Variants in NAALADL2 observed in about 807,000 individuals in gnomAD.
NAALADL2 encodes inactive N-acetylated-alpha-linked acidic dipeptidase-like protein 2.
Under a neutral mutation model 87.2 loss-of-function variants are expected in NAALADL2, and 76 were observed. The ratio of observed to expected loss-of-function variants is 0.87; its 90% confidence interval spans 0.72 to 1.05. NAALADL2 has a LOEUF of 1.05. Ranked by LOEUF, NAALADL2 falls within the 50% of genes least tolerant of loss-of-function variation. The pLI, the probability that NAALADL2 is intolerant of heterozygous loss-of-function variation, is 0.00. For missense variants in NAALADL2, 1,089 were observed against 945.8 expected (o/e 1.15, Z -1.99); for synonymous variants, 354 against 331.0 (o/e 1.07, Z -0.75).
At chr3:175,436,246 A>T (rs1483146618) in intron 5 of NAALADL2, among the ~76,000 whole-genome samples, 1 of 143,116 alleles carries the variant, frequency 7.0e-6, no homozygotes, top group Non-Finnish European at 1.5e-5. Context: ...AATCCAGTCT[A>T]TCATTGTTGG....
chr3:175,651,371 C>T (rs1730741440), intron 11 of NAALADL2, among the ~76,000 whole-genome samples: 1 of 152,024 alleles, frequency 6.6e-6, no homozygotes, highest in African/African-American at 2.4e-5. Context: ...ATGTTATGGG[C>T]TTGAATGAAC....
intron 1 of NAALADL2, among the ~76,000 whole-genome samples, chr3:174,487,619 T>C (rs949246018): frequency 6.6e-6 from 1 of 151,722 alleles, no homozygotes; most frequent in African/African-American, 2.4e-5. Context: ...TTTCAGCAGG[T>C]AGATGAGGGA....
intron 2 of NAALADL2, among the ~76,000 whole-genome samples, chr3:174,709,461 G>C (rs1218495427): frequency 1.3e-5 from 2 of 152,008 alleles, no homozygotes; most frequent in African/African-American, 4.8e-5. Flanking sequence ...AATTAAAGAA[G>C]GCCTAACACT....
intron 2 of NAALADL2, among the ~76,000 whole-genome samples, chr3:174,666,440 T>A (rs1333429618): frequency 1.1e-5 from 1 of 89,188 alleles, no homozygotes; most frequent in Non-Finnish European, 2.8e-5. Flanking sequence ...AGCATAAAAT[T>A]TATTATAATT....
chr3:175,502,263 G>A (rs971782539), intron 9 of NAALADL2, among the ~76,000 whole-genome samples: 1 of 150,846 alleles, frequency 6.6e-6, no homozygotes, highest in Non-Finnish European at 1.5e-5. Context: ...GTGTCTGTGT[G>A]TGTGCATGTG....
intron 2 of NAALADL2, among the ~76,000 whole-genome samples, chr3:175,158,300 G>A (rs1023865218): frequency 6.6e-6 from 1 of 151,960 alleles, no homozygotes; most frequent in African/African-American, 2.4e-5. Context: ...TTCAAAATAA[G>A]ACAATTTTCA....
chr3:175,446,272 ACT>A (rs1371355692), intron 5 of NAALADL2, among the ~76,000 whole-genome samples: 2 of 151,026 alleles, frequency 1.3e-5, no homozygotes, highest in Non-Finnish European at 3.0e-5. Flanking sequence ...ACTGTGTCTC[ACT>A]CTGTCACCCA....
intron 11 of NAALADL2, among the ~76,000 whole-genome samples, chr3:175,660,370 C>G (rs993075065): frequency 6.6e-6 from 1 of 152,036 alleles, no homozygotes; most frequent in Admixed American, 6.6e-5. Flanking sequence ...ATGTCAGACC[C>G]TTTTTTCGTT....
intron 5 of NAALADL2, among the ~76,000 whole-genome samples, chr3:175,418,350 A>T (rs1281131650): frequency 6.6e-6 from 1 of 152,124 alleles, no homozygotes; most frequent in Non-Finnish European, 1.5e-5. Flanking sequence ...TTAAAAATAA[A>T]GAAGTTTTCC....
intron 4 of NAALADL2, among the ~76,000 whole-genome samples, chr3:175,278,872 A>G (rs753957413): frequency 6.6e-6 from 1 of 152,184 alleles, no homozygotes; most frequent in Non-Finnish European, 1.5e-5. Flanking sequence ...GATTCCATCT[A>G]TGTATCCAGG....
chr3:174,498,112 T>C (rs867088189), intron 1 of NAALADL2, among the ~76,000 whole-genome samples: 3 of 152,166 alleles, frequency 2.0e-5, no homozygotes, highest in African/African-American at 7.2e-5. Context: ...TGTTTATATG[T>C]GTGATATTAT....
At chr3:175,484,564 T>G (rs1030213350) in intron 9 of NAALADL2, among the ~76,000 whole-genome samples, 1 of 152,142 alleles carries the variant, frequency 6.6e-6, no homozygotes, top group African/African-American at 2.4e-5. Context: ...AATGTCAAAA[T>G]CATTCTTAAA....
At chr3:174,812,407 A>G (rs1720316075) in intron 3 of NAALADL2, among the ~76,000 whole-genome samples, 1 of 152,218 alleles carries the variant, frequency 6.6e-6, no homozygotes, top group African/African-American at 2.4e-5. Context: ...AACTTACTGC[A>G]TTGTTAGTCA....
rs1754964369 is a variant in NAALADL2, at chr3:175,809,319, T to C, written c.*6116T>C. 6.6e-6 allele frequency: 1 copy of C among 151,822 alleles called. No individual in the cohort carries two copies. Among genetic ancestry groups the C allele is most frequent in the Non-Finnish European group, 1.5e-5 (1 of 67,932 alleles). The allele number at this position is 151,822 out of a possible 1,614,324, so 9.4% of individuals were successfully genotyped here. ...ATTTAGCATCTGAGATAGGTCTATA[T>C]TAGGCAATTTCATGTTTACATTTCT... is the stretch of plus-strand genomic sequence containing the variant. On this transcript the variant is annotated 3_prime_UTR_variant, in exon 14 of 14. Coordinates refer to ENST00000454872, the MANE Select transcript of NAALADL2 (RefSeq NM_207015.3).
chr3:175,619,037 T>C (rs1382101932), intron 10 of NAALADL2, among the ~76,000 whole-genome samples: 1 of 152,090 alleles, frequency 6.6e-6, no homozygotes, highest in African/African-American at 2.4e-5. Flanking sequence ...AACCTTGGAA[T>C]AGAATCTGGG....
rs1350430731 is a variant in NAALADL2, at chr3:174,841,783, G to A, written c.-9+104037G>A. Among the ~76,000 whole-genome samples, 15 of 152,062 alleles carry A rather than the reference G, an allele frequency of 9.9e-5. No homozygotes were observed. In the East Asian group the frequency reaches 2.9e-3, roughly 29 times the overall value. On this transcript the variant is annotated intron_variant, in intron 3 of 3. Transcript: ENST00000434257. ...TTCTTCTTAAACTTTAGTGTTCTAG[G>A]GTTTTATCTGTAGATTTTTAAAGTG...
chr3:174,443,623 A>G (rs574383665), intron 1 of NAALADL2, among the ~76,000 whole-genome samples: 2 of 152,330 alleles, frequency 1.3e-5, no homozygotes, highest in East Asian at 3.9e-4. Context: ...TGTAAAAGCG[A>G]AGAGATTGAA....
chr3:174,710,690 C>T (rs1394934019), intron 2 of NAALADL2, among the ~76,000 whole-genome samples: 2 of 152,286 alleles, frequency 1.3e-5, no homozygotes, highest in East Asian at 3.9e-4. Flanking sequence ...TGCAGGCAGC[C>T]TCTGCGAGCT....
At position 175,803,688 on chromosome 3, in the gene NAALADL2, A is replaced by T. The variant is rs546982236; in HGVS notation, c.*485A>T. On this transcript the variant is annotated 3_prime_UTR_variant, in exon 14 of 14. Transcript: ENST00000454872. ...AGTATTCTGACTGAGTGATTGGTTG[A>T]CCTAAACCACTTTGAATGTTTCTAT... 6.6e-6 allele frequency: 1 copy of T among 152,498 alleles called. No homozygotes were observed. Among genetic ancestry groups the T allele is most frequent in the Admixed American group, 6.6e-5 (1 of 15,214 alleles). 9.4% of individuals were successfully genotyped at this position (152,498 alleles called of 1,614,324 possible).
Sources: gnomAD v4.1 joint callset for allele counts (sites outside exome capture counted in the v4.1 genomes callset) on GRCh38, gnomAD v4.1.1 for gene constraint, MANE v1.5 for transcripts, NCBI Gene and HGNC (gene_info 2026-07-23, HGNC 2026-07-21) for gene names.